The following PID1 variants were observed in gnomAD, a reference collection of about 807,000 sequenced individuals.
PID1 encodes PTB-containing, cubilin and LRP1-interacting protein.
Under a neutral mutation model 19.1 loss-of-function variants are expected in PID1, and 10 were observed. That is an observed-to-expected ratio of 0.52 (90% confidence interval 0.32 to 0.89). The LOEUF (loss-of-function observed/expected upper bound fraction) is 0.89. Among genes scored for constraint, PID1 ranks in the 40% least tolerant of loss-of-function variants. PID1 has a pLI of 0.03. For synonymous variants in PID1, 130 were observed against 116.0 expected (o/e 1.12, Z -0.78); for missense variants, 248 against 285.3 (o/e 0.87, Z 0.94).
intron 1 of PID1, among the ~76,000 whole-genome samples, chr2:229,178,543 T>C (rs1023835901): frequency 6.6e-6 from 1 of 152,190 alleles, no homozygotes; most frequent in Non-Finnish European, 1.5e-5. Flanking sequence ...GATTGTAGTC[T>C]TTCTCAGTGA....
intron 1 of PID1, among the ~76,000 whole-genome samples, chr2:229,193,600 T>A (rs1475568803): frequency 6.6e-6 from 1 of 152,086 alleles, no homozygotes; most frequent in African/African-American, 2.4e-5. Context: ...TTCTTGTGAG[T>A]CAAGTCCCTA....
chr2:229,218,246 A>G (rs778816330), intron 1 of PID1, among the ~76,000 whole-genome samples: 7 of 141,928 alleles, frequency 4.9e-5, no homozygotes, highest in Admixed American at 2.3e-4. Context: ...TAGATTCATG[A>G]ATTTTTTATC....
intron 1 of PID1, among the ~76,000 whole-genome samples, chr2:229,251,428 T>C (rs1690147732): frequency 6.6e-6 from 1 of 152,182 alleles, no homozygotes; most frequent in African/African-American, 2.4e-5. Context: ...TATTCCACTG[T>C]CAGTATACCA....
At chr2:229,092,276 G>A (rs78654546) in intron 2 of PID1, among the ~76,000 whole-genome samples, 3,142 of 152,222 alleles carry the variant, frequency 0.021, 32 homozygotes, top group Non-Finnish European at 0.032. Flanking sequence ...GAAAGACATC[G>A]CAGCATGACT....
intron 1 of PID1, chr2:229,262,743 C>T (rs1327057798): frequency 1.3e-6 from 2 of 1,551,524 alleles, no homozygotes; most frequent in African/African-American, 2.7e-5. Context: ...CATCCAAAAG[C>T]TCTGGAGAAG....
At chr2:229,057,761 G>C (rs914975271) in intron 2 of PID1, among the ~76,000 whole-genome samples, 1 of 152,134 alleles carries the variant, frequency 6.6e-6, no homozygotes, top group African/African-American at 2.4e-5. Context: ...ACTTTCCAGG[G>C]AGATGTTGAC....
intron 1 of PID1, among the ~76,000 whole-genome samples, chr2:229,238,396 A>G (rs1689774552): frequency 6.6e-6 from 1 of 152,202 alleles, no homozygotes; most frequent in African/African-American, 2.4e-5. Flanking sequence ...CGCAGGCCAG[A>G]GCCCAAAGAT....
chr2:229,226,727 T>A (rs774001920), intron 1 of PID1, among the ~76,000 whole-genome samples: 37 of 152,200 alleles, frequency 2.4e-4, no homozygotes, highest in Non-Finnish European at 4.4e-4. Flanking sequence ...TTCTTTCTCA[T>A]GAAACTTGCC....
intron 1 of PID1, among the ~76,000 whole-genome samples, chr2:229,160,442 C>G (rs12995479): frequency 0.29 from 43,727 of 152,054 alleles, 6,935 homozygotes; most frequent in Non-Finnish European, 0.36. Context: ...ATTGTGCAAC[C>G]TCAGCTACCT....
intron 2 of PID1, among the ~76,000 whole-genome samples, chr2:229,045,727 T>G (rs1693861747): frequency 1.3e-5 from 2 of 152,192 alleles, no homozygotes; most frequent in African/African-American, 4.8e-5. Flanking sequence ...CCGATGAATT[T>G]CAGGAGACTT....
chr2:229,090,017 T>C (rs1280527648), intron 2 of PID1, among the ~76,000 whole-genome samples: 1 of 152,142 alleles, frequency 6.6e-6, no homozygotes, highest in African/African-American at 2.4e-5. Context: ...ATAAGAAACA[T>C]ACGTGAACAG....
At chr2:229,122,440 A>G (rs1695542666) in intron 2 of PID1, among the ~76,000 whole-genome samples, 1 of 152,096 alleles carries the variant, frequency 6.6e-6, no homozygotes, top group African/African-American at 2.4e-5. Context: ...GGAATCCCAA[A>G]CAGGACATTT....
chr2:229,139,778 C>A (rs1689972927), intron 2 of PID1, among the ~76,000 whole-genome samples: 1 of 152,176 alleles, frequency 6.6e-6, no homozygotes, highest in African/African-American at 2.4e-5. Context: ...CTCCTTATCT[C>A]TCCCTTGATA....
chr2:229,046,397 TGA>T (rs1693881669), intron 2 of PID1, among the ~76,000 whole-genome samples: 2 of 114,770 alleles, frequency 1.7e-5, no homozygotes, highest in African/African-American at 8.2e-5. Context: ...TGTGTGTGTG[TGA>T]GTCAGGAGGG....
intron 1 of PID1, among the ~76,000 whole-genome samples, chr2:229,158,376 T>C (rs1228240088): frequency 6.6e-6 from 1 of 152,208 alleles, no homozygotes; most frequent in Non-Finnish European, 1.5e-5. Flanking sequence ...GTCCCTGCTT[T>C]ATTGTTCCTA....
At chr2:229,196,310 T>G (rs536965389) in intron 1 of PID1, among the ~76,000 whole-genome samples, 1 of 152,050 alleles carries the variant, frequency 6.6e-6, no homozygotes, top group East Asian at 1.9e-4. Context: ...GTTAGCCTTT[T>G]CAAACATATT....
chr2:229,127,782 T>C (rs1695653291), intron 2 of PID1, among the ~76,000 whole-genome samples: 1 of 152,134 alleles, frequency 6.6e-6, no homozygotes, highest in Non-Finnish European at 1.5e-5. Flanking sequence ...ATAGCTACAG[T>C]TCTAGATCAC....
chr2:229,065,686 G>A (rs1381656168), intron 2 of PID1, among the ~76,000 whole-genome samples: 2 of 79,060 alleles, frequency 2.5e-5, no homozygotes, highest in Non-Finnish European at 4.9e-5. Context: ...TTAAACTAAA[G>A]CTACAAATGG....
intron 1 of PID1, among the ~76,000 whole-genome samples, chr2:229,172,692 T>A (rs1283559723): frequency 6.6e-6 from 1 of 152,194 alleles, no homozygotes; most frequent in African/African-American, 2.4e-5. Context: ...ATTGTGAGGC[T>A]CTGGGGATTG....
Sources: allele counts gnomAD v4.1 joint callset (sites outside exome capture counted in the v4.1 genomes callset), GRCh38; gene constraint gnomAD v4.1.1; transcripts MANE v1.5; gene names NCBI Gene and HGNC (gene_info 2026-07-23, HGNC 2026-07-21).